VPS13A: variants seen among roughly 807,000 people sequenced by gnomAD.
The protein encoded by VPS13A is intermembrane lipid transfer protein VPS13A.
A neutral mutation model predicts 390.9 loss-of-function variants in VPS13A; 264 were observed. That is an observed-to-expected ratio of 0.68 (90% confidence interval 0.61 to 0.75). The LOEUF (loss-of-function observed/expected upper bound fraction) is 0.75. Ranked by LOEUF, VPS13A falls within the 30% of genes least tolerant of loss-of-function variation. The pLI is 0.00. For missense variants in VPS13A, 3,409 were observed against 3,733.9 expected, an observed-to-expected ratio of 0.91 and a Z score of 2.27; for synonymous variants, 1,231 against 1,227.1, an observed-to-expected ratio of 1.00 and a Z score of -0.07.
In VPS13A at chr9:77,295,729, C is replaced by A; in HGVS notation, c.3695C>A (p.Ala1232Asp). The change falls in exon 33 of 72, where the codon GCT (alanine) becomes GAT (aspartate). Residue 1232 changes from alanine to aspartate, a missense_variant. Physicochemically the swap from Ala to Asp is moderately radical, Grantham distance 126 (BLOSUM62 -2). Around this residue, in one of 5 missense-constraint regions of VPS13A, gnomAD observed 2,717 missense variants for 2,917.4 expected, o/e 0.93. Transcript: ENST00000360280. ...CCAGTTTCTGAAAATGTTTTTGTTG[C>A]TGATTTTGGACTAATTACAATGACA... ...QSPVSENVFV[A>D]DFGLITMTNT... 1 of 1,613,938 alleles carries A rather than the reference C, an allele frequency of 6.2e-7. No homozygotes were observed. The highest frequency in any genetic ancestry group is 8.5e-7 in the Non-Finnish European group (1 of 1,179,924).
intron 55 of VPS13A, among the ~76,000 whole-genome samples, chr9:77,357,278 C>T (rs1831851020): frequency 7.1e-6 from 1 of 141,322 alleles, no homozygotes; most frequent in Non-Finnish European, 1.5e-5. Context: ...AAGATGGCCC[C>T]ACTGCGCTCC....
chr9:77,270,529 A>G (rs1342174270), intron 23 of VPS13A, among the ~76,000 whole-genome samples: 2 of 152,164 alleles, frequency 1.3e-5, no homozygotes, highest in African/African-American at 4.8e-5. Flanking sequence ...CGTCTCTACT[A>G]AAAATATAAA....
chr9:77,206,044 G>C lies in VPS13A; in HGVS notation c.350G>C (p.Arg117Thr). ...GAAGCAAAGCAACAGGAACTGAAAA[G>C]AATAGAAGAAGCAAAACAAAAAGTA... ...LMEAKQQELKRIEEAKQKVVD... is the reference protein window; with the variant it reads ...LMEAKQQELKTIEEAKQKVVD... The change falls in exon 5 of 72, where the codon AGA becomes ACA. Residue 117 changes from arginine to threonine, a missense_variant. Coordinates refer to ENST00000360280, the MANE Select transcript of VPS13A (RefSeq NM_033305.3). The C allele has an allele frequency of 6.3e-7, 1 of 1,582,320 alleles. No homozygotes were observed. Among genetic ancestry groups the C allele is most frequent in the Non-Finnish European group, 8.6e-7 (1 of 1,162,196 alleles).
At chr9:77,363,382 T>C (rs1423563100) in intron 59 of VPS13A, among the ~76,000 whole-genome samples, 2 of 149,318 alleles carry the variant, frequency 1.3e-5, no homozygotes, top group Non-Finnish European at 3.0e-5. Context: ...ATATGTTTTA[T>C]TACATTAATT....
intron 68 of VPS13A, among the ~76,000 whole-genome samples, chr9:77,402,889 T>C (rs1834449429): frequency 6.6e-6 from 1 of 152,260 alleles, no homozygotes; most frequent in Non-Finnish European, 1.5e-5. Flanking sequence ...TATTTACATG[T>C]GTTTTTGTAC....
chr9:77,319,469 T>A (rs1829610119), intron 41 of VPS13A, 103 bp from the exon 42 acceptor site: 1 of 752,520 alleles, frequency 1.3e-6, no homozygotes. Context: ...AGCTACTGAA[T>A]GGCATGTAGA....
At chr9:77,273,226 A>T in intron 23 of VPS13A, 54 bp from the exon 24 acceptor site, 2 of 1,347,864 alleles carry the variant, frequency 1.5e-6, no homozygotes, top group Non-Finnish European at 1.0e-6. Context: ...TTTTTTGAAT[A>T]AGCGGTGAAT....
chr9:77,270,445 T>A (rs1436710435), intron 23 of VPS13A, among the ~76,000 whole-genome samples: 1 of 152,170 alleles, frequency 6.6e-6, no homozygotes, highest in Non-Finnish European at 1.5e-5. Flanking sequence ...GGCATCGTCT[T>A]ATTTCTCATT....
chr9:77,338,232 A>C (rs1167910158), intron 47 of VPS13A: 1 of 152,196 alleles, frequency 6.6e-6, no homozygotes, highest in African/African-American at 2.4e-5. Flanking sequence ...TCGGCCTCCC[A>C]AAGTGCTGGA....
intron 67 of VPS13A, among the ~76,000 whole-genome samples, chr9:77,373,290 A>T (rs901025857): frequency 6.7e-6 from 1 of 148,846 alleles, no homozygotes; most frequent in African/African-American, 2.5e-5. Flanking sequence ...AAACAGAGAT[A>T]TACATCAATG....
At chr9:77,263,292 A>G (rs1488185408) in intron 23 of VPS13A, among the ~76,000 whole-genome samples, 1 of 151,916 alleles carries the variant, frequency 6.6e-6, no homozygotes, top group African/African-American at 2.4e-5. Flanking sequence ...TATTTTTAGT[A>G]GAGATGGGGT....
chr9:77,243,559 T>A (rs1254226235), intron 19 of VPS13A, among the ~76,000 whole-genome samples: 1 of 152,190 alleles, frequency 6.6e-6, no homozygotes, highest in East Asian at 1.9e-4. Context: ...GGAAAACAGA[T>A]GTGGTCGTTT....
chr9:77,192,490 T>A (rs1254886795), intron 1 of VPS13A, among the ~76,000 whole-genome samples: 2 of 152,194 alleles, frequency 1.3e-5, no homozygotes, highest in East Asian at 1.9e-4. Context: ...GGTCTTTCAT[T>A]TCCATGGTTA....
chr9:77,299,313 G>A (rs1184425535), intron 33 of VPS13A, among the ~76,000 whole-genome samples: 4 of 152,160 alleles, frequency 2.6e-5, no homozygotes, highest in Non-Finnish European at 1.5e-5. Flanking sequence ...GTGGTAGCTT[G>A]ATGTGAATAG....
At chr9:77,210,764 A>G (rs1825937780) in intron 7 of VPS13A, 89 bp downstream of exon 7, 19 of 1,329,942 alleles carry the variant, frequency 1.4e-5, no homozygotes, top group Non-Finnish European at 2.1e-5. Flanking sequence ...AGCATCAGAA[A>G]TAGGTGTCTA....
chr9:77,191,069 T>G (rs1338368319), intron 1 of VPS13A, among the ~76,000 whole-genome samples: 1 of 152,096 alleles, frequency 6.6e-6, no homozygotes, highest in African/African-American at 2.4e-5. Flanking sequence ...TTTGGTTATT[T>G]CTTTTCTGTG....
chr9:77,198,730 G>A (rs893111824), intron 1 of VPS13A, among the ~76,000 whole-genome samples: 1 of 151,808 alleles, frequency 6.6e-6, no homozygotes, highest in East Asian at 1.9e-4. Flanking sequence ...GTGGCGTGAT[G>A]TCGGCTCACT....
chr9:77,287,412 C>G lies in VPS13A; in HGVS notation c.3339+3762C>G, dbSNP rs75674946. Among the ~76,000 whole-genome samples, 455 of 151,986 alleles carry G rather than the reference C, an allele frequency of 3.0e-3. 5 individuals are homozygous for G. The highest frequency in any genetic ancestry group is 9.6e-3 in the African/African-American group (398 of 41,456). On this transcript the variant is annotated intron_variant, in intron 31 of 71. Transcript: ENST00000360280. ...TTCAACATTTTGCTCAGGCTGCCCT[C>G]AAACTCCTGAGCTCAGGCGATCTAC...
intron 5 of VPS13A, 42 bp from the exon 6 acceptor site, chr9:77,209,380 TA>T (rs1223055298): frequency 2.2e-6 from 3 of 1,356,210 alleles, no homozygotes; most frequent in Non-Finnish European, 3.1e-6. Context: ...TTATAGAGTA[TA>T]TTTTTCATTC....
Sources: gnomAD v4.1 joint callset for allele counts (sites outside exome capture counted in the v4.1 genomes callset) on GRCh38, gnomAD v4.1.1 for gene constraint, gnomAD v4.1.1 regional missense constraint, MANE v1.5 for transcripts, NCBI Gene and HGNC (gene_info 2026-07-23, HGNC 2026-07-21) for gene names.